EYS: variants seen among roughly 807,000 people sequenced by gnomAD.
EYS encodes the protein EGF-like photoreceptor maintenance factor.
EYS carries 250 observed loss-of-function variants against 282.1 expected under a neutral mutation model. That is an observed-to-expected ratio of 0.89 (90% CI 0.80 to 0.98). EYS has a LOEUF of 0.98. EYS is among the 50% of genes least tolerant of loss of function. The pLI, the probability that EYS is intolerant of heterozygous loss-of-function variation, is 0.00. For synonymous variants in EYS, 1,355 were observed against 1,282.9 expected (o/e 1.06, Z -1.20); for missense variants, 4,016 against 3,709.0 (o/e 1.08, Z -2.15).
chr6:64,667,833 G>A (rs1221599009), intron 22 of EYS, among the ~76,000 whole-genome samples: 1 of 152,074 alleles, frequency 6.6e-6, no homozygotes, highest in Admixed American at 6.5e-5. Flanking sequence ...TGCTCTACAA[G>A]CAGGTAGAGG....
At chr6:65,527,892 C>G (rs1767629172) in intron 2 of EYS, among the ~76,000 whole-genome samples, 1 of 152,154 alleles carries the variant, frequency 6.6e-6, no homozygotes, top group Non-Finnish European at 1.5e-5. Flanking sequence ...ACAACATTGT[C>G]TGAAATTAAG....
At chr6:65,574,048 T>TG (rs1764571919) in intron 2 of EYS, among the ~76,000 whole-genome samples, 1 of 152,186 alleles carries the variant, frequency 6.6e-6, no homozygotes, top group African/African-American at 2.4e-5. Context: ...GTAACCAACA[T>TG]GGCAGTGGGA....
intron 31 of EYS, among the ~76,000 whole-genome samples, chr6:64,210,696 A>G (rs1765738129): frequency 6.6e-6 from 1 of 152,164 alleles, no homozygotes; most frequent in African/African-American, 2.4e-5. Context: ...AATGGCGTCA[A>G]TTTGACTAGA....
intron 35 of EYS, among the ~76,000 whole-genome samples, chr6:63,917,725 C>T (rs907980354): frequency 6.6e-6 from 1 of 152,186 alleles, no homozygotes; most frequent in Non-Finnish European, 1.5e-5. Context: ...GGCTGAGTTA[C>T]ACAGCTTTTA....
intron 22 of EYS, among the ~76,000 whole-genome samples, chr6:64,668,999 T>G (rs1018848701): frequency 4.6e-5 from 7 of 152,168 alleles, no homozygotes; most frequent in African/African-American, 1.7e-4. Context: ...CTTCTTAGCT[T>G]CTGCCTGTAC....
intron 36 of EYS, among the ~76,000 whole-genome samples, chr6:63,854,280 A>G (rs967296238): frequency 3.3e-5 from 5 of 152,222 alleles, no homozygotes; most frequent in African/African-American, 1.2e-4. Context: ...AGCCATAAAA[A>G]AGAATGAGTT....
chr6:63,956,203 C>T (rs1008975635), intron 35 of EYS, among the ~76,000 whole-genome samples: 1 of 152,168 alleles, frequency 6.6e-6, no homozygotes, highest in Non-Finnish European at 1.5e-5. Context: ...ATCCAGATGG[C>T]CTGAAGCCAC....
intron 35 of EYS, among the ~76,000 whole-genome samples, chr6:63,871,983 A>G (rs1484665115): frequency 6.6e-6 from 1 of 152,164 alleles, no homozygotes; most frequent in African/African-American, 2.4e-5. Context: ...CCAACTTTCC[A>G]GCTTCTAGGT....
intron 36 of EYS, among the ~76,000 whole-genome samples, chr6:63,840,931 G>T (rs1278560552): frequency 6.6e-6 from 1 of 152,006 alleles, no homozygotes; most frequent in Non-Finnish European, 1.5e-5. Flanking sequence ...TGCTGTTTTG[G>T]TTACTCTAGC....
At chr6:65,177,780 G>T (rs971620281) in intron 12 of EYS, among the ~76,000 whole-genome samples, 7 of 151,366 alleles carry the variant, frequency 4.6e-5, no homozygotes, top group African/African-American at 1.5e-4. Flanking sequence ...ATAATTATTT[G>T]GAGTCATTTC....
At chr6:65,696,688 C>G (rs1171560908) in intron 1 of EYS, among the ~76,000 whole-genome samples, 1 of 151,884 alleles carries the variant, frequency 6.6e-6, no homozygotes. Flanking sequence ...TAAGGCGGTA[C>G]TTGAGTCTTG....
At chr6:64,904,179 G>A (rs1353346274) in intron 16 of EYS, among the ~76,000 whole-genome samples, 1 of 152,116 alleles carries the variant, frequency 6.6e-6, no homozygotes, top group Non-Finnish European at 1.5e-5. Flanking sequence ...AACACTAATT[G>A]TAAGTAAGCT....
intron 28 of EYS, among the ~76,000 whole-genome samples, chr6:64,422,062 C>T (rs1051695777): frequency 6.6e-6 from 1 of 152,032 alleles, no homozygotes; most frequent in African/African-American, 2.4e-5. Context: ...AGGACAGCAC[C>T]TTACAACAAA....
chr6:65,540,722 C>T (rs1010264040), intron 2 of EYS, among the ~76,000 whole-genome samples: 1 of 152,040 alleles, frequency 6.6e-6, no homozygotes, highest in Non-Finnish European at 1.5e-5. Context: ...AGTTCGAGAC[C>T]AGCCTGACTA....
chr6:64,626,303 T>C (rs1487160108), intron 22 of EYS, 58 bp from the exon 23 acceptor site: 1 of 1,481,860 alleles, frequency 6.7e-7, no homozygotes, highest in Non-Finnish European at 8.9e-7. Flanking sequence ...GCACTATCAC[T>C]TTTCATCTTG....
chr6:65,218,356 G>T (rs78900778), intron 12 of EYS, among the ~76,000 whole-genome samples: 1,573 of 152,168 alleles, frequency 0.01, 17 homozygotes, highest in African/African-American at 0.03. Flanking sequence ...ATGGTATGAA[G>T]CATATTTGAT....
At chr6:65,061,016 A>G (rs1773559953) in intron 12 of EYS, among the ~76,000 whole-genome samples, 1 of 151,794 alleles carries the variant, frequency 6.6e-6, no homozygotes, top group Non-Finnish European at 1.5e-5. Context: ...TTTAGGACAA[A>G]TCATTAACAA....
chr6:64,866,224 T>G (rs922104446), intron 19 of EYS, among the ~76,000 whole-genome samples: 1 of 151,976 alleles, frequency 6.6e-6, no homozygotes, highest in Non-Finnish European at 1.5e-5. Context: ...TATTTGGAAT[T>G]TACTGATACT....
intron 26 of EYS, among the ~76,000 whole-genome samples, chr6:64,475,862 C>G (rs772114593): frequency 2.0e-5 from 3 of 152,204 alleles, no homozygotes; most frequent in Non-Finnish European, 4.4e-5. Context: ...TCATAGCTCA[C>G]TGTAACCTCA....
Sources: allele counts gnomAD v4.1 joint callset (sites outside exome capture counted in the v4.1 genomes callset), GRCh38; gene constraint gnomAD v4.1.1; transcripts MANE v1.5; gene names NCBI Gene and HGNC (gene_info 2026-07-23, HGNC 2026-07-21).